Variants in TMEM132D observed in about 807,000 individuals in gnomAD.
TMEM132D encodes mature OL transmembrane protein.
In TMEM132D, 21 loss-of-function variants were observed where a neutral mutation model predicts 62.3. The ratio of observed to expected loss-of-function variants is 0.34; its 90% confidence interval spans 0.24 to 0.49. The LOEUF (loss-of-function observed/expected upper bound fraction) is 0.49. Among genes scored for constraint, TMEM132D ranks in the 20% least tolerant of loss-of-function variants. TMEM132D has a pLI of 0.99. For missense variants in TMEM132D, 1,346 were observed against 1,402.8 expected (o/e 0.96, Z 0.65); for synonymous variants, 621 against 575.6 (o/e 1.08, Z -1.13).
chr12:129,270,066 G>T (rs2135600298), intron 4 of TMEM132D, among the ~76,000 whole-genome samples: 1 of 152,306 alleles, frequency 6.6e-6, no homozygotes, highest in East Asian at 1.9e-4. Context: ...CTAGGAATCT[G>T]ATAAGCTCTG....
chr12:129,749,379 C>A (rs114329507), intron 1 of TMEM132D, among the ~76,000 whole-genome samples: 12 of 152,230 alleles, frequency 7.9e-5, no homozygotes, highest in Admixed American at 6.5e-4. Flanking sequence ...CTTTCATGAA[C>A]TGTCATTAAT....
At chr12:129,535,978 G>A (rs886500245) in intron 2 of TMEM132D, among the ~76,000 whole-genome samples, 1 of 152,068 alleles carries the variant, frequency 6.6e-6, no homozygotes, top group Non-Finnish European at 1.5e-5. Context: ...AACTATTATT[G>A]GCTAATCAGC....
chr12:129,737,236 C>T (rs1334842882), intron 1 of TMEM132D, among the ~76,000 whole-genome samples: 2 of 152,164 alleles, frequency 1.3e-5, no homozygotes, highest in Non-Finnish European at 2.9e-5. Flanking sequence ...TCACAAATGC[C>T]ACCAGCCCAC....
At chr12:129,457,687 G>A (rs1027950458) in intron 3 of TMEM132D, among the ~76,000 whole-genome samples, 3 of 152,038 alleles carry the variant, frequency 2.0e-5, no homozygotes, top group African/African-American at 7.3e-5. Context: ...CAATCATGTC[G>A]GAAGGGCAAA....
intron 3 of TMEM132D, chr12:129,521,416 C>T (rs1875844144): frequency 6.6e-6 from 1 of 152,180 alleles, no homozygotes; most frequent in Admixed American, 6.5e-5. Context: ...TCATTTATTT[C>T]TTCTACTGCT....
At chr12:129,285,817 C>T (rs1447099207) in intron 4 of TMEM132D, among the ~76,000 whole-genome samples, 3 of 152,090 alleles carry the variant, frequency 2.0e-5, no homozygotes, top group Non-Finnish European at 4.4e-5. Context: ...CATCACTCTT[C>T]TCACCCCAGT....
intron 5 of TMEM132D, among the ~76,000 whole-genome samples, chr12:129,153,368 G>T (rs1390913870): frequency 2.0e-5 from 3 of 151,980 alleles, no homozygotes; most frequent in Non-Finnish European, 4.4e-5. Flanking sequence ...GGTTGAAAAC[G>T]ATGGAATGAG....
At chr12:129,202,546 G>A (rs886346127) in intron 5 of TMEM132D, among the ~76,000 whole-genome samples, 1 of 152,158 alleles carries the variant, frequency 6.6e-6, no homozygotes, top group Non-Finnish European at 1.5e-5. Context: ...ACAAAGAGAG[G>A]AAAAACATTT....
At chr12:129,751,567 C>G (rs927867943) in intron 1 of TMEM132D, among the ~76,000 whole-genome samples, 1 of 152,154 alleles carries the variant, frequency 6.6e-6, no homozygotes, top group South Asian at 2.1e-4. Context: ...AGCACTGACT[C>G]AGGACCCTGC....
intron 1 of TMEM132D, among the ~76,000 whole-genome samples, chr12:129,818,055 G>A (rs902459137): frequency 2.1e-5 from 3 of 145,962 alleles, no homozygotes; most frequent in South Asian, 2.3e-4. Context: ...GGTGTGAGAT[G>A]TATGTGTGTG....
chr12:129,425,071 C>T (rs1463319112), intron 3 of TMEM132D, among the ~76,000 whole-genome samples: 4 of 152,150 alleles, frequency 2.6e-5, no homozygotes, highest in African/African-American at 7.2e-5. Context: ...TTTGAGGTCA[C>T]CCATGTCAAA....
chr12:129,633,789 C>T (rs1219689345), intron 2 of TMEM132D, among the ~76,000 whole-genome samples: 5 of 152,146 alleles, frequency 3.3e-5, no homozygotes, highest in Admixed American at 2.6e-4. Context: ...CCAAAAACCA[C>T]TAATGTTTTC....
chr12:129,828,574 T>C (rs750595242), intron 1 of TMEM132D, among the ~76,000 whole-genome samples: 12 of 148,560 alleles, frequency 8.1e-5, no homozygotes, highest in Non-Finnish European at 1.2e-4. Context: ...TTGTGGGAGA[T>C]ATGGTTGGTT....
intron 4 of TMEM132D, among the ~76,000 whole-genome samples, chr12:129,267,672 G>GA (rs1880732295): frequency 6.6e-6 from 1 of 151,884 alleles, no homozygotes; most frequent in South Asian, 2.1e-4. Flanking sequence ...CACAGAATTG[G>GA]AAAAAGCTAC....
intron 4 of TMEM132D, among the ~76,000 whole-genome samples, chr12:129,255,488 T>C (rs948226398): frequency 1.3e-5 from 2 of 152,194 alleles, no homozygotes; most frequent in South Asian, 2.1e-4. Flanking sequence ...CTTTATATAG[T>C]TGCAAATTCA....
At chr12:129,614,542 C>A (rs2137154303) in intron 2 of TMEM132D, among the ~76,000 whole-genome samples, 1 of 152,320 alleles carries the variant, frequency 6.6e-6, no homozygotes, top group East Asian at 1.9e-4. Flanking sequence ...GAGTTTAAAT[C>A]CCAATCACTA....
chr12:129,795,898 T>C (rs1333786824), intron 1 of TMEM132D, among the ~76,000 whole-genome samples: 2 of 152,352 alleles, frequency 1.3e-5, no homozygotes, highest in Non-Finnish European at 2.9e-5. Context: ...CTTTTCTTTA[T>C]GATTTTTCTT....
rs556500830 is a variant in TMEM132D, at chr12:129,230,197, C to T, written c.1300-20534G>A. ...CTTCCCTTTCCTGAGAAAGGAAGAA[C>T]ATCAGCAGTCTCTGCTACTTCCCCA... On this transcript the variant is annotated intron_variant, in intron 4 of 8. Coordinates refer to ENST00000422113, the MANE Select transcript of TMEM132D (RefSeq NM_133448.3). Among the ~76,000 whole-genome samples the T allele has an allele frequency of 8.5e-5, 13 of 152,220 alleles. No individual in the cohort carries two copies. The East Asian group carries it at 1.7e-3, about 20-fold the overall frequency.
intron 3 of TMEM132D, among the ~76,000 whole-genome samples, chr12:129,433,399 C>T (rs888666663): frequency 1.3e-4 from 20 of 152,150 alleles, no homozygotes; most frequent in Admixed American, 3.3e-4. Context: ...CCAGTAATTC[C>T]GCACTCTCAA....
Sources: allele counts gnomAD v4.1 joint callset (sites outside exome capture counted in the v4.1 genomes callset), GRCh38; gene constraint gnomAD v4.1.1; transcripts MANE v1.5; gene names NCBI Gene and HGNC (gene_info 2026-07-23, HGNC 2026-07-21).